STX8: variants seen among roughly 807,000 people sequenced by gnomAD.
STX8 encodes syntaxin 8.
A neutral mutation model predicts 37.5 loss-of-function variants in STX8; 23 were observed. The ratio of observed to expected loss-of-function variants is 0.61; its 90% CI spans 0.44 to 0.87. STX8 has a LOEUF of 0.87. Among genes scored for constraint, STX8 ranks in the 40% least tolerant of loss-of-function variants. The probability of loss-of-function intolerance (pLI) is 0.00; values close to 1 mark genes in which losing one functional copy is unlikely to be tolerated. For missense variants in STX8, 313 were observed against 284.7 expected (o/e 1.10, Z -0.71); for synonymous variants, 115 against 99.1 (o/e 1.16, Z -0.95).
At position 9,504,912 on chromosome 17, in the gene STX8, T is replaced by C. The variant is rs969830853; in HGVS notation, c.448+126A>G. 43 of 926,572 alleles carry C rather than the reference T, an allele frequency of 4.6e-5. 1 individual carries two copies. Among genetic ancestry groups the C allele is most frequent in the Middle Eastern group, 3.4e-4 (1 of 2,956 alleles). 57.4% of individuals were successfully genotyped at this position (926,572 alleles called of 1,614,324 possible). A position where few individuals can be genotyped will look rare whatever the true frequency, so the allele number is the denominator to read the frequency against. On this transcript the variant is annotated intron_variant, in intron 5 of 7. Coordinates refer to ENST00000306357, the MANE Select transcript of STX8 (RefSeq NM_004853.3). ...TCGTTTGAACCCGGGAGGTGGAGGT[T>C]GCAGTGAGCCAAGATCACGCCACTG...
chr17:9,533,609 G>A (rs148118950), intron 4 of STX8, among the ~76,000 whole-genome samples: 2 of 152,268 alleles, frequency 1.3e-5, no homozygotes, highest in African/African-American at 4.8e-5. Flanking sequence ...GTTCACTTGA[G>A]CCTAAATAAA....
chr17:9,399,176 C>CTA (rs1191134565), intron 6 of STX8, among the ~76,000 whole-genome samples: 3 of 152,102 alleles, frequency 2.0e-5, no homozygotes, highest in African/African-American at 4.8e-5. Flanking sequence ...GATTTTTCCA[C>CTA]TATATATATA....
intron 6 of STX8, among the ~76,000 whole-genome samples, chr17:9,388,690 C>T (rs1418546041): frequency 6.6e-6 from 1 of 151,396 alleles, no homozygotes; most frequent in Non-Finnish European, 1.5e-5. Context: ...GTAATCCCAC[C>T]TACTTAGGAG....
chr17:9,504,508 T>C (rs1904745401), intron 5 of STX8, among the ~76,000 whole-genome samples: 1 of 152,082 alleles, frequency 6.6e-6, no homozygotes, highest in Non-Finnish European at 1.5e-5. Flanking sequence ...TAGATTCAGA[T>C]CTGCTCTCTC....
At chr17:9,317,541 A>C (rs1208294104) in intron 7 of STX8, among the ~76,000 whole-genome samples, 1 of 152,102 alleles carries the variant, frequency 6.6e-6, no homozygotes, top group Non-Finnish European at 1.5e-5. Context: ...TGAGGCGGGC[A>C]GATCACAAGG....
chr17:9,397,351 G>A (rs1203989274), intron 6 of STX8, among the ~76,000 whole-genome samples: 6 of 152,026 alleles, frequency 3.9e-5, no homozygotes, highest in South Asian at 2.1e-4. Flanking sequence ...AGCCGAGATC[G>A]TGCCACTGCA....
At chr17:9,409,273 A>G (rs1912904577) in intron 6 of STX8, among the ~76,000 whole-genome samples, 1 of 152,184 alleles carries the variant, frequency 6.6e-6, no homozygotes, top group South Asian at 2.1e-4. Flanking sequence ...CGTAGAAACT[A>G]GGCAAACACC....
intron 7 of STX8, among the ~76,000 whole-genome samples, chr17:9,294,560 C>T (rs1199736503): frequency 2.0e-5 from 3 of 152,194 alleles, no homozygotes; most frequent in Non-Finnish European, 4.4e-5. Context: ...AATCAGGAAT[C>T]GCTCCTTAGA....
chr17:9,439,829 C>A (rs547665344), intron 6 of STX8, among the ~76,000 whole-genome samples: 1 of 152,104 alleles, frequency 6.6e-6, no homozygotes, highest in East Asian at 1.9e-4. Flanking sequence ...AGGAAAGCAC[C>A]ATCAATACTG....
intron 7 of STX8, among the ~76,000 whole-genome samples, chr17:9,327,183 G>GAA (rs1162754208): frequency 1.0e-4 from 15 of 145,188 alleles, no homozygotes; most frequent in African/African-American, 3.8e-4. Flanking sequence ...AGAAGAAGAA[G>GAA]GAAGAAGAAG....
At position 9,388,149 on chromosome 17, in the gene STX8, G is replaced by A. The variant is rs570125640; in HGVS notation, c.542-9496C>T. On this transcript the variant is annotated intron_variant, in intron 6 of 7. Transcript: ENST00000306357. ...TGCAGTGGTGTGATCTCGGCTCACT[G>A]CAACCTCCGCCTCCCAGGTTCAAGT... Among the ~76,000 whole-genome samples, 15 of 147,276 alleles carry A rather than the reference G, an allele frequency of 1.0e-4. No individual in the cohort carries two copies. The South Asian group carries it at 3.2e-3, about 32-fold the overall frequency.
intron 6 of STX8, among the ~76,000 whole-genome samples, chr17:9,449,859 CTGTAG>C (rs772790429): frequency 1.3e-5 from 2 of 151,802 alleles, no homozygotes; most frequent in Non-Finnish European, 2.9e-5. Context: ...TGGCACACAC[CTGTAG>C]TCCCAGTAAC....
At chr17:9,308,377 T>C (rs1159195795) in intron 7 of STX8, among the ~76,000 whole-genome samples, 1 of 152,176 alleles carries the variant, frequency 6.6e-6, no homozygotes, top group African/African-American at 2.4e-5. Flanking sequence ...AATTAGAGGA[T>C]TATTTCTACG....
chr17:9,480,006 T>A (rs1906255097), intron 6 of STX8, among the ~76,000 whole-genome samples: 1 of 152,236 alleles, frequency 6.6e-6, no homozygotes, highest in African/African-American at 2.4e-5. Flanking sequence ...TACAGGTAAC[T>A]GCTGTTTATC....
chr17:9,495,043 C>T (rs1208520626), intron 5 of STX8, among the ~76,000 whole-genome samples: 2 of 152,096 alleles, frequency 1.3e-5, no homozygotes, highest in Non-Finnish European at 2.9e-5. Flanking sequence ...TACTCGAGGT[C>T]GCATTAACAT....
chr17:9,404,157 A>G (rs1912725580), intron 6 of STX8, among the ~76,000 whole-genome samples: 1 of 152,180 alleles, frequency 6.6e-6, no homozygotes, highest in African/African-American at 2.4e-5. Flanking sequence ...TAAGTGGATC[A>G]TAATAAAAGT....
intron 1 of STX8, among the ~76,000 whole-genome samples, chr17:9,571,062 T>C (rs1907670127): frequency 1.3e-5 from 2 of 152,254 alleles, no homozygotes; most frequent in South Asian, 2.1e-4. Context: ...CTGCAGAGCC[T>C]TGAACACCAG....
chr17:9,313,639 T>A (rs1412249341), intron 7 of STX8, among the ~76,000 whole-genome samples: 1 of 152,242 alleles, frequency 6.6e-6, no homozygotes, highest in African/African-American at 2.4e-5. Flanking sequence ...TCTCTAAGTC[T>A]TTTTGAGACG....
chr17:9,264,502 C>T (rs1907160733), intron 7 of STX8, among the ~76,000 whole-genome samples: 1 of 151,988 alleles, frequency 6.6e-6, no homozygotes, highest in African/African-American at 2.4e-5. Flanking sequence ...ATGAGGTCTC[C>T]CTGTGTTCCC....
Sources: gnomAD v4.1 joint callset for allele counts (sites outside exome capture counted in the v4.1 genomes callset) on GRCh38, gnomAD v4.1.1 for gene constraint, MANE v1.5 for transcripts, NCBI Gene and HGNC (gene_info 2026-07-23, HGNC 2026-07-21) for gene names.